The following PRKCE variants were observed in gnomAD, a reference collection of about 807,000 sequenced individuals.
PRKCE encodes the protein protein kinase C epsilon type.
PRKCE carries 16 observed loss-of-function variants against 85.4 expected under a neutral mutation model. That is an observed-to-expected ratio of 0.19 (90% CI 0.13 to 0.28). The LOEUF (loss-of-function observed/expected upper bound fraction) is 0.28. PRKCE is among the 10% of genes least tolerant of loss of function. The probability of loss-of-function intolerance (pLI) is 1.00; values close to 1 mark genes in which losing one functional copy is unlikely to be tolerated. For synonymous variants in PRKCE, 388 were observed against 371.5 expected (o/e 1.04, Z -0.51); for missense variants, 573 against 975.2 (o/e 0.59, Z 5.49).
intron 1 of PRKCE, among the ~76,000 whole-genome samples, chr2:45,746,855 A>G (rs1683178824): frequency 1.3e-5 from 2 of 152,184 alleles, no homozygotes; most frequent in South Asian, 2.1e-4. Context: ...CGTCTCAGGA[A>G]CATGTCATTG....
At chr2:45,730,136 G>A (rs1016413888) in intron 1 of PRKCE, among the ~76,000 whole-genome samples, 4 of 152,144 alleles carry the variant, frequency 2.6e-5, no homozygotes, top group South Asian at 2.1e-4. Context: ...TTGAAGAGCC[G>A]TTTGGGGACA....
intron 1 of PRKCE, among the ~76,000 whole-genome samples, chr2:45,824,642 T>C (rs926788188): frequency 6.6e-6 from 1 of 152,162 alleles, no homozygotes; most frequent in African/African-American, 2.4e-5. Flanking sequence ...TTTTATTTTA[T>C]TATGGAAAAT....
At chr2:45,860,364 A>G (rs1344327220) in intron 2 of PRKCE, among the ~76,000 whole-genome samples, 1 of 152,172 alleles carries the variant, frequency 6.6e-6, no homozygotes, top group Non-Finnish European at 1.5e-5. Context: ...TCTCCTTTTC[A>G]GAGAGGATGG....
At chr2:45,661,160 CTA>C (rs1675619635) in intron 1 of PRKCE, among the ~76,000 whole-genome samples, 1 of 152,168 alleles carries the variant, frequency 6.6e-6, no homozygotes. Flanking sequence ...ATAGATAAGA[CTA>C]AAAATGTAAT....
In PRKCE at chr2:46,068,800, G is replaced by A. The variant is rs918255207; in HGVS notation, c.1438-17408G>A. ...GTAACCAAGAGCAAGAAGTGGTTGT[G>A]ATATTAAAAGAGATCAGCTCAAGTA... On this transcript the variant is annotated intron_variant, in intron 10 of 14. Transcript: ENST00000306156. This position sits in a 1 kb window ranked among gnomAD's most constrained non-coding sequence, Gnocchi z 4.3. Among the ~76,000 whole-genome samples the A allele has an allele frequency of 6.6e-6, 1 of 152,210 alleles. No homozygotes were observed. Among genetic ancestry groups the A allele is most frequent in the African/African-American group, 2.4e-5 (1 of 41,448 alleles).
chr2:45,728,269 A>G (rs549947696), intron 1 of PRKCE, among the ~76,000 whole-genome samples: 1 of 152,224 alleles, frequency 6.6e-6, no homozygotes, highest in East Asian at 1.9e-4. Flanking sequence ...GCAAGTAGAA[A>G]TTTCTCCCTC....
intron 10 of PRKCE, among the ~76,000 whole-genome samples, chr2:46,014,912 T>C (rs1236565574): frequency 1.3e-5 from 2 of 152,188 alleles, no homozygotes; most frequent in African/African-American, 4.8e-5. Flanking sequence ...ATGCTTGAAC[T>C]CCCAACCAAT....
chr2:45,765,718 G>A (rs4953249), intron 1 of PRKCE, among the ~76,000 whole-genome samples: 129,777 of 152,216 alleles, frequency 0.85, 55,772 homozygotes, highest in East Asian at 0.96. Flanking sequence ...TGACCCCCAC[G>A]TCCTAAGCCC....
chr2:45,774,373 C>T lies in PRKCE; in HGVS notation c.349-68627C>T, dbSNP rs1270176359. ...AAGTGCTCACTAAATAGGTGTTGAACGGAGGTGTGAACCCAGGATGAGGCA... is the reference window on the plus strand; with the variant it reads ...AAGTGCTCACTAAATAGGTGTTGAATGGAGGTGTGAACCCAGGATGAGGCA... On this transcript the variant is annotated intron_variant, in intron 1 of 14. Transcript: ENST00000306156. The surrounding 1 kb of genome is among the most constrained non-coding windows in gnomAD (Gnocchi z 4.3). Among the ~76,000 whole-genome samples the T allele has an allele frequency of 4.6e-5, 7 of 152,210 alleles. No homozygotes were observed. The highest frequency in any genetic ancestry group is 7.3e-5 in the Non-Finnish European group (5 of 68,038).
chr2:45,856,356 G>A (rs950083579), intron 2 of PRKCE, among the ~76,000 whole-genome samples: 3 of 151,980 alleles, frequency 2.0e-5, no homozygotes, highest in African/African-American at 4.8e-5. Flanking sequence ...TCAGCCTCCC[G>A]AGTAGCTGGG....
At chr2:45,703,436 G>A (rs901876241) in intron 1 of PRKCE, among the ~76,000 whole-genome samples, 1 of 152,004 alleles carries the variant, frequency 6.6e-6, no homozygotes, top group African/African-American at 2.4e-5. Flanking sequence ...TACTCGGGAG[G>A]CCAAAGTGGG....
chr2:45,765,333 A>T (rs145393358), intron 1 of PRKCE, among the ~76,000 whole-genome samples: 5 of 152,340 alleles, frequency 3.3e-5, no homozygotes, highest in African/African-American at 7.2e-5. Flanking sequence ...GAAAGGTCAA[A>T]CTAATGGCCA....
At chr2:45,702,643 A>G (rs866247493) in intron 1 of PRKCE, among the ~76,000 whole-genome samples, 45 of 152,328 alleles carry the variant, frequency 3.0e-4, no homozygotes, top group Middle Eastern at 3.4e-3. Context: ...TCACTGTTTT[A>G]CCATAGTGAT....
chr2:46,061,862 T>TTTC (rs1553335514), intron 10 of PRKCE, among the ~76,000 whole-genome samples: 4 of 107,088 alleles, frequency 3.7e-5, no homozygotes, highest in African/African-American at 1.2e-4. Flanking sequence ...TCTTTTTCTT[T>TTTC]TTTTTTTTTT....
intron 14 of PRKCE, among the ~76,000 whole-genome samples, chr2:46,161,611 G>A (rs1677767955): frequency 6.6e-6 from 1 of 152,098 alleles, no homozygotes; most frequent in South Asian, 2.1e-4. Context: ...GAAGCCCAGG[G>A]GGAACCATCA....
chr2:45,869,071 G>C (rs1693867428), intron 2 of PRKCE, among the ~76,000 whole-genome samples: 1 of 152,154 alleles, frequency 6.6e-6, no homozygotes, highest in Non-Finnish European at 1.5e-5. Flanking sequence ...AGTTCATTTG[G>C]TGCATGGGTT....
chr2:45,783,052 T>C (rs1294308506), intron 1 of PRKCE, among the ~76,000 whole-genome samples: 4 of 152,158 alleles, frequency 2.6e-5, no homozygotes, highest in African/African-American at 9.7e-5. Flanking sequence ...CCCGTCCAAA[T>C]TGGATTATGA....
At chr2:45,808,064 A>G (rs1688377841) in intron 1 of PRKCE, among the ~76,000 whole-genome samples, 1 of 152,080 alleles carries the variant, frequency 6.6e-6, no homozygotes, top group Non-Finnish European at 1.5e-5. Flanking sequence ...GTTGCTGATC[A>G]TGGTAGCGCA....
At chr2:45,793,647 C>T (rs187423127) in intron 1 of PRKCE, among the ~76,000 whole-genome samples, 1 of 152,268 alleles carries the variant, frequency 6.6e-6, no homozygotes, top group East Asian at 1.9e-4. Context: ...GGCAGTTAGC[C>T]AATTCCAGGT....
Sources: allele counts gnomAD v4.1 joint callset (sites outside exome capture counted in the v4.1 genomes callset), GRCh38; gene constraint gnomAD v4.1.1; non-coding constraint Gnocchi (gnomAD v3.1); transcripts MANE v1.5; gene names NCBI Gene and HGNC (gene_info 2026-07-23, HGNC 2026-07-21).